The following HECW1 variants were observed in gnomAD, a reference collection of about 807,000 sequenced individuals.
HECW1 encodes the protein E3 ubiquitin-protein ligase HECW1.
A neutral mutation model predicts 182.3 loss-of-function variants in HECW1; 61 were observed. That is an observed-to-expected ratio of 0.33 (90% CI 0.27 to 0.41). The LOEUF (loss-of-function observed/expected upper bound fraction) is 0.41. Ranked by LOEUF, HECW1 falls within the 10% of genes least tolerant of loss-of-function variation. The probability of loss-of-function intolerance (pLI) is 1.00; values close to 1 mark genes in which losing one functional copy is unlikely to be tolerated. For missense variants in HECW1, 1,739 were observed against 2,108.9 expected (o/e 0.82, Z 3.44); for synonymous variants, 859 against 832.6 (o/e 1.03, Z -0.55).
In HECW1 at chr7:43,114,279, C is replaced by T. The variant is rs1201085465; in HGVS notation, c.-144C>T. On this transcript the variant is annotated 5_prime_UTR_variant, in exon 2 of 30. Transcript: ENST00000395891. ...GATTTAGGAGGGCAGATGCCCTACC[C>T]GAAAAGGCCAACCGTTAAAGACCCC... 6.6e-6 allele frequency: 9 copies of T among 1,363,714 alleles called. 1 individual carries two copies. The Admixed American group carries it at 1.1e-4, about 17-fold the overall frequency. The allele number at this position is 1,363,714 out of a possible 1,614,324, so 84.5% of individuals were successfully genotyped here.
At chr7:43,370,882 G>T (rs1817254144) in intron 6 of HECW1, among the ~76,000 whole-genome samples, 2 of 150,506 alleles carry the variant, frequency 1.3e-5, no homozygotes, top group South Asian at 4.2e-4. Flanking sequence ...TTAGGGCAAT[G>T]ATATTCTTTT....
At chr7:43,208,546 G>C (rs1168871203) in intron 2 of HECW1, among the ~76,000 whole-genome samples, 4 of 152,230 alleles carry the variant, frequency 2.6e-5, no homozygotes, top group African/African-American at 4.8e-5. Context: ...CTCCAGGGGA[G>C]AGCTCACATT....
chr7:43,256,803 C>T (rs1348887715), intron 3 of HECW1, among the ~76,000 whole-genome samples: 1 of 152,010 alleles, frequency 6.6e-6, no homozygotes, highest in African/African-American at 2.4e-5. Context: ...CTTCATCCCC[C>T]TTCTCTGCAT....
intron 21 of HECW1, among the ~76,000 whole-genome samples, chr7:43,506,006 T>C (rs1253103975): frequency 6.6e-6 from 1 of 152,238 alleles, no homozygotes; most frequent in African/African-American, 2.4e-5. Context: ...GGTAAGAATG[T>C]TAATTTTCCA....
At chr7:43,259,559 A>G (rs890048617) in intron 3 of HECW1, among the ~76,000 whole-genome samples, 1 of 152,234 alleles carries the variant, frequency 6.6e-6, no homozygotes, top group Non-Finnish European at 1.5e-5. Context: ...AAATATATTC[A>G]AGGATGTTCA....
chr7:43,558,071 C>T (rs2082090055), intron 29 of HECW1, among the ~76,000 whole-genome samples: 1 of 152,108 alleles, frequency 6.6e-6, no homozygotes, highest in Non-Finnish European at 1.5e-5. Context: ...GCAATTTCCA[C>T]CCATGAGAAC....
At chr7:43,393,375 A>G (rs575891130) in intron 6 of HECW1, among the ~76,000 whole-genome samples, 1 of 152,312 alleles carries the variant, frequency 6.6e-6, no homozygotes, top group South Asian at 2.1e-4. Flanking sequence ...AATAAACTGT[A>G]AAGAGTCTGT....
At chr7:43,498,252 G>A (rs2079191771) in intron 19 of HECW1, among the ~76,000 whole-genome samples, 1 of 152,190 alleles carries the variant, frequency 6.6e-6, no homozygotes, top group Admixed American at 6.5e-5. Flanking sequence ...GTGGTGCCAC[G>A]ATAGAACCAC....
intron 8 of HECW1, among the ~76,000 whole-genome samples, chr7:43,437,302 C>T (rs1240070952): frequency 6.6e-6 from 1 of 152,164 alleles, no homozygotes; most frequent in Non-Finnish European, 1.5e-5. Context: ...GATTTATCAG[C>T]CTTCACTTAA....
intron 19 of HECW1, among the ~76,000 whole-genome samples, chr7:43,497,751 TGAG>T (rs931687232): frequency 1.3e-5 from 2 of 151,962 alleles, no homozygotes; most frequent in Admixed American, 1.3e-4. Context: ...ACATGGTGGG[TGAG>T]GAGAAGAGAG....
intron 6 of HECW1, among the ~76,000 whole-genome samples, chr7:43,381,307 G>A (rs952418405): frequency 8.6e-5 from 13 of 152,010 alleles, no homozygotes; most frequent in East Asian, 1.9e-4. Context: ...GTGAATTAAA[G>A]TTCTTACTTT....
At chr7:43,227,408 G>A (rs974061036) in intron 2 of HECW1, among the ~76,000 whole-genome samples, 1 of 152,058 alleles carries the variant, frequency 6.6e-6, no homozygotes, top group African/African-American at 2.4e-5. Context: ...CATTTAAAAA[G>A]CGTCTGGGTT....
chr7:43,206,294 C>T (rs1027850627), intron 2 of HECW1, among the ~76,000 whole-genome samples: 12 of 152,022 alleles, frequency 7.9e-5, no homozygotes, highest in African/African-American at 2.4e-4. Context: ...GAGGATCTTC[C>T]GGGAGGCTCT....
At position 43,456,414 on chromosome 7, in the gene HECW1, G is replaced by T; in HGVS notation, c.2618G>T (p.Gly873Val). The part of the protein sequence containing the change: ...AATPDGMRRS[G>V]SIQQMEQLNR... ...ACCCCGGATGGCATGCGGAGATCGG[G>T]GTCCATCCAGCAGATGGAGCAACTC... The change falls in exon 13 of 30, where the codon GGG (glycine) becomes GTG (valine). Residue 873 changes from glycine to valine, a missense_variant. By Grantham distance (109) the Gly-to-Val change is moderately radical. Around this residue, in one of 5 missense-constraint regions of HECW1, gnomAD observed 971 missense variants for 1,029.1 expected, o/e 0.94. Coordinates refer to ENST00000395891, the MANE Select transcript of HECW1 (RefSeq NM_015052.5). 6.2e-7 allele frequency: 1 copy of T among 1,613,950 alleles called. No homozygotes were observed. Among genetic ancestry groups the T allele is most frequent in the Non-Finnish European group, 8.5e-7 (1 of 1,179,940 alleles).
intron 2 of HECW1, among the ~76,000 whole-genome samples, chr7:43,210,920 T>A (rs985612319): frequency 6.6e-6 from 1 of 152,138 alleles, no homozygotes; most frequent in African/African-American, 2.4e-5. Flanking sequence ...GAGTGTGCAC[T>A]TGCAAGATTT....
rs1226307427 is a variant in HECW1 at position 43,261,258 on chromosome 7, TA to T, written c.27+17329del. On this transcript the variant is annotated intron_variant, in intron 3 of 29. Transcript: ENST00000395891. ...ATAGGAAAAGTAGTTTGTCTTGATG[TA>T]AAGAAATTGCCTTTTTTTCCCCTTA... is the stretch of plus-strand genomic sequence containing the variant. Among the ~76,000 whole-genome samples, 8 of 152,340 alleles carry T rather than the reference TA, an allele frequency of 5.3e-5. No homozygotes were observed. In the South Asian group the frequency reaches 1.5e-3, roughly 28 times the overall value.
rs149323452 is a variant in HECW1 at position 43,495,317 on chromosome 7, G to A, written c.3437+2137G>A. Among the ~76,000 whole-genome samples the A allele has an allele frequency of 8.1e-3, 1,228 of 152,124 alleles. 18 individuals are homozygous for A. The highest frequency in any genetic ancestry group is 0.028 in the African/African-American group (1,169 of 41,468). ...GTGATGTTCCGCTCCCTGTGTCCATGTGTTCTCGTTGTTCAGTTCCCACTT... is the reference window on the plus strand; with the variant it reads ...GTGATGTTCCGCTCCCTGTGTCCATATGTTCTCGTTGTTCAGTTCCCACTT... On this transcript the variant is annotated intron_variant, in intron 19 of 29. Coordinates refer to ENST00000395891, the MANE Select transcript of HECW1 (RefSeq NM_015052.5).
At chr7:43,449,320 C>A (rs956099350) in intron 11 of HECW1, among the ~76,000 whole-genome samples, 1 of 152,166 alleles carries the variant, frequency 6.6e-6, no homozygotes, top group Admixed American at 6.5e-5. Context: ...ATGAGGGGAA[C>A]CTTCCTTGTT....
At chr7:43,554,872 CTTTG>C in intron 29 of HECW1, 82 bp downstream of exon 29, 3 of 1,276,540 alleles carry the variant, frequency 2.4e-6, no homozygotes, top group Non-Finnish European at 3.3e-6. Flanking sequence ...AGTGACCATC[CTTTG>C]GGATGGAATT....
Sources: allele counts gnomAD v4.1 joint callset (sites outside exome capture counted in the v4.1 genomes callset), GRCh38; gene constraint gnomAD v4.1.1; regional missense constraint gnomAD v4.1.1; transcripts MANE v1.5; gene names NCBI Gene and HGNC (gene_info 2026-07-23, HGNC 2026-07-21).